The following GLI3 variants were observed in gnomAD, a reference collection of about 807,000 sequenced individuals.
The protein encoded by GLI3 is GLI family zinc finger 3.
In GLI3, 20 loss-of-function variants were observed where a neutral mutation model predicts 100.8. That is an observed-to-expected ratio of 0.20 (90% confidence interval 0.14 to 0.29). The LOEUF is 0.29. GLI3 is among the 10% of genes least tolerant of loss of function. The pLI, the probability that GLI3 is intolerant of heterozygous loss-of-function variation, is 1.00. For synonymous variants in GLI3, 938 were observed against 860.5 expected (o/e 1.09, Z -1.58); for missense variants, 2,040 against 2,128.5 (o/e 0.96, Z 0.82).
chr7:42,172,243 A>C (rs1335185223), intron 2 of GLI3, among the ~76,000 whole-genome samples: 1 of 151,910 alleles, frequency 6.6e-6, no homozygotes, highest in Non-Finnish European at 1.5e-5. Flanking sequence ...TGGGAACATA[A>C]AACAATATTA....
chr7:41,972,509 C>G lies in GLI3; in HGVS notation c.1931G>C (p.Gly644Ala). 6.2e-7 allele frequency: 1 copy of G among 1,613,346 alleles called. No homozygotes were observed. The highest frequency in any genetic ancestry group is 8.5e-7 in the Non-Finnish European group (1 of 1,180,006). ...PEAHVTKKQR[G>A]DIHPRPPPPR... ...GGGTGGCGGCCGAGGATGGATGTCC[C>G]CTCGCTGCTTCTTGGTGACATGAGC... Residue 644 changes from glycine to alanine, a missense_variant, in exon 13 of 15, where the codon GGG (glycine) becomes GCG (alanine). Coordinates refer to ENST00000395925, the MANE Select transcript of GLI3 (RefSeq NM_000168.6). This position sits in a 1 kb window ranked among gnomAD's most constrained non-coding sequence, Gnocchi z 4.4.
At chr7:42,212,669 C>T (rs1788293869) in intron 2 of GLI3, among the ~76,000 whole-genome samples, 1 of 152,178 alleles carries the variant, frequency 6.6e-6, no homozygotes, top group East Asian at 1.9e-4. Flanking sequence ...AAGGAAAGGC[C>T]GAGTTCTCCA....
chr7:42,168,305 G>C (rs1787285143), intron 2 of GLI3, among the ~76,000 whole-genome samples: 1 of 152,172 alleles, frequency 6.6e-6, no homozygotes, highest in African/African-American at 2.4e-5. Flanking sequence ...TTGCTCAAGA[G>C]ATGTTAGGGG....
intron 3 of GLI3, among the ~76,000 whole-genome samples, chr7:42,119,510 T>G (rs998369833): frequency 2.0e-5 from 3 of 152,206 alleles, no homozygotes; most frequent in African/African-American, 7.2e-5. Context: ...TTTGGGAGGT[T>G]CTTACCCTAG....
intron 3 of GLI3, among the ~76,000 whole-genome samples, chr7:42,125,600 TCTGCC>T (rs1786106463): frequency 6.6e-6 from 1 of 152,204 alleles, no homozygotes; most frequent in Non-Finnish European, 1.5e-5. Context: ...TTCTTCATTT[TCTGCC>T]CTGCGACATT....
In GLI3 at chr7:41,976,999, T is replaced by G. The variant is rs538129471; in HGVS notation, c.1812+559A>C. 2.0e-5 allele frequency among the ~76,000 whole-genome samples: 3 copies of G among 152,366 alleles called. No individual in the cohort carries two copies. The East Asian group carries it at 5.8e-4, about 29-fold the overall frequency. On this transcript the variant is annotated intron_variant, in intron 12 of 14. Transcript: ENST00000395925. ...TTAAGTAACTGCCTAGAAAGTATTC[T>G]GGGTTTCTGAGACCATTTTCCAAGA...
At chr7:42,262,197 T>TTCCTTCCTTCCTTCCTTCC (rs1761173028) in intron 1 of GLI3, among the ~76,000 whole-genome samples, 2 of 33,558 alleles carry the variant, frequency 6.0e-5, no homozygotes, top group African/African-American at 1.6e-4. Flanking sequence ...TTTTATTTTT[T>TTCCTTCCTTCCTTCCTTCC]TTCCTTCCTT....
chr7:42,035,384 C>T (rs1456922544), intron 7 of GLI3, among the ~76,000 whole-genome samples: 3 of 152,134 alleles, frequency 2.0e-5, no homozygotes, highest in Non-Finnish European at 4.4e-5. Flanking sequence ...TGATGATCCA[C>T]GAAACAGAAA....
rs951041372 is a variant in GLI3 at position 41,964,235 on chromosome 7, T to C, written c.*95A>G. On this transcript the variant is annotated 3_prime_UTR_variant, in exon 15 of 15. Coordinates refer to ENST00000395925, the MANE Select transcript of GLI3 (RefSeq NM_000168.6). Reference sequence around the variant, plus strand: ...GTTAGGTGAGATGAGATTGCTAAAATACATACAGAACTAAAAAAACAGCCA... The same window carrying C: ...GTTAGGTGAGATGAGATTGCTAAAACACATACAGAACTAAAAAAACAGCCA... 9.7e-6 allele frequency: 10 copies of C among 1,026,288 alleles called. No homozygotes were observed. The highest frequency in any genetic ancestry group is 3.2e-5 in the African/African-American group (2 of 63,102). The allele number at this position is 1,026,288 out of a possible 1,614,324, so 63.6% of individuals were successfully genotyped here. A position where few individuals can be genotyped will look rare whatever the true frequency, so the allele number is the denominator to read the frequency against.
chr7:42,240,048 C>G (rs548218343), upstream of GLI3, among the ~76,000 whole-genome samples: 1 of 152,292 alleles, frequency 6.6e-6, no homozygotes, highest in South Asian at 2.1e-4. Flanking sequence ...CTTTCCCTTT[C>G]CTGCAGTTGC....
chr7:42,093,485 C>T (rs1785272321), intron 3 of GLI3, among the ~76,000 whole-genome samples: 1 of 151,230 alleles, frequency 6.6e-6, no homozygotes, highest in Non-Finnish European at 1.5e-5. Context: ...TAGACAGTAA[C>T]ATCAAATAAA....
intron 13 of GLI3, among the ~76,000 whole-genome samples, chr7:41,968,978 A>G (rs1191223077): frequency 6.6e-6 from 1 of 152,162 alleles, no homozygotes; most frequent in East Asian, 1.9e-4. Flanking sequence ...GTAGTCCTCA[A>G]TCAGGGAAAG....
At chr7:42,155,277 T>TA (rs538103202) in intron 2 of GLI3, among the ~76,000 whole-genome samples, 3 of 151,744 alleles carry the variant, frequency 2.0e-5, no homozygotes, top group Admixed American at 6.6e-5. Context: ...CCATCTCTAC[T>TA]AAAAAAACAA....
chr7:42,090,989 T>C (rs1785204636), intron 3 of GLI3, among the ~76,000 whole-genome samples: 1 of 152,256 alleles, frequency 6.6e-6, no homozygotes, highest in South Asian at 2.1e-4. Context: ...TGTGCCTGAC[T>C]ACAGTGCTCT....
intron 3 of GLI3, among the ~76,000 whole-genome samples, chr7:42,128,528 T>C (rs755295971): frequency 3.9e-5 from 6 of 152,228 alleles, no homozygotes; most frequent in Non-Finnish European, 8.8e-5. Context: ...GCCTAGTTTT[T>C]AGGTAGAAGT....
intron 10 of GLI3, among the ~76,000 whole-genome samples, chr7:42,018,220 T>C (rs1290565944): frequency 6.6e-6 from 1 of 152,240 alleles, no homozygotes; most frequent in Non-Finnish European, 1.5e-5. Flanking sequence ...TGTCAAAAGA[T>C]GGCTTTGAAG....
chr7:42,023,563 C>T lies in GLI3; in HGVS notation c.1402G>A (p.Asp468Asn). The T allele has an allele frequency of 6.2e-7, 1 of 1,613,154 alleles. No individual in the cohort carries two copies. The highest frequency in any genetic ancestry group is 2.2e-5 in the East Asian group (1 of 44,806). The stretch of plus-strand genomic sequence containing the variant: ...ACTTCAGGCTCCTGTTTGCTTTCAT[C>T]TTTGTCCCCTTCCTCCTTGACAAGG... ...TTLVKEEGDK[D>N]ESKQEPEVIY... The change falls in exon 10 of 15, where the codon GAT becomes AAT. Residue 468 changes from aspartate (D) to asparagine (N), a missense_variant. Physicochemically the swap from Asp to Asn is conservative, Grantham distance 23 (BLOSUM62 1). Around this residue, in one of 5 missense-constraint regions of GLI3, gnomAD observed 603 missense variants for 690.9 expected, o/e 0.87. Transcript: ENST00000395925.
chr7:41,966,457 G>A lies in GLI3; in HGVS notation c.2616C>T (p.Ser872=). The A allele has an allele frequency of 6.2e-7, 1 of 1,612,580 alleles. No individual in the cohort carries two copies. The highest frequency in any genetic ancestry group is 8.5e-7 in the Non-Finnish European group (1 of 1,179,714). Residue 872 remains serine (S), a synonymous_variant, in exon 15 of 15, where the codon TCC becomes TCT. Coordinates refer to ENST00000395925, the MANE Select transcript of GLI3 (RefSeq NM_000168.6). This position sits in a 1 kb window ranked among gnomAD's most constrained non-coding sequence, Gnocchi z 5.8. ...RRSSGISPCF[S]SRRSSEASQA... is the part of the protein sequence containing the mutation. ...GTGACGCCTCGCTGGAGCGGCGGCT[G>A]GAGAAGCAGGGCGAGATCCCTGAGG...
At chr7:42,207,407 A>C (rs1788178240) in intron 2 of GLI3, among the ~76,000 whole-genome samples, 1 of 152,264 alleles carries the variant, frequency 6.6e-6, no homozygotes, top group Admixed American at 6.5e-5. Flanking sequence ...TCAATTAAAA[A>C]GTTTAAAAAG....
Sources: gnomAD v4.1 joint callset for allele counts (sites outside exome capture counted in the v4.1 genomes callset) on GRCh38, gnomAD v4.1.1 for gene constraint, gnomAD v4.1.1 regional missense constraint, Gnocchi (gnomAD v3.1) non-coding constraint, MANE v1.5 for transcripts, NCBI Gene and HGNC (gene_info 2026-07-23, HGNC 2026-07-21) for gene names.